Variants in GLB1 observed in about 807,000 individuals in gnomAD.
GLB1 encodes the protein beta-galactosidase.
Under a neutral mutation model 74.0 loss-of-function variants are expected in GLB1, and 56 were observed. The observed-to-expected ratio is 0.76, with a 90% CI of 0.61 to 0.94. The LOEUF (loss-of-function observed/expected upper bound fraction) is 0.94. Among genes scored for constraint, GLB1 ranks in the 40% least tolerant of loss-of-function variants. The pLI, the probability that GLB1 is intolerant of heterozygous loss-of-function variation, is 0.00. For missense variants in GLB1, 787 were observed against 845.5 expected (o/e 0.93, Z 0.86); for synonymous variants, 323 against 323.6 (o/e 1.00, Z 0.02).
At chr3:32,990,977 A>C in the GLB1 span, among the ~76,000 whole-genome samples, 1 of 151,934 alleles carries the variant, frequency 6.6e-6, no homozygotes, top group East Asian at 1.9e-4. Context: ...CTGTCTAAAA[A>C]TAATAATAAT....
At chr3:33,078,083 TAAAC>T (rs886119418) in intron 1 of GLB1, among the ~76,000 whole-genome samples, 2 of 151,840 alleles carry the variant, frequency 1.3e-5, no homozygotes, top group African/African-American at 2.4e-5. Flanking sequence ...TTAAAATAAA[TAAAC>T]AAACAAAATT....
intron 1 of GLB1, among the ~76,000 whole-genome samples, chr3:33,087,637 A>G (rs892434106): frequency 5.3e-5 from 8 of 151,500 alleles, no homozygotes; most frequent in Non-Finnish European, 7.4e-5. Context: ...ACACTCAAAG[A>G]AAAACCTAGA....
At chr3:32,964,333 T>G in the GLB1 span, among the ~76,000 whole-genome samples, 1 of 152,220 alleles carries the variant, frequency 6.6e-6, no homozygotes, top group African/African-American at 2.4e-5. Flanking sequence ...GGGCTCCTCT[T>G]CATGGAATGA....
chr3:33,008,601 G>C (rs1012001069), intron 15 of GLB1, among the ~76,000 whole-genome samples: 1 of 152,214 alleles, frequency 6.6e-6, no homozygotes, highest in Admixed American at 6.5e-5. Flanking sequence ...AAGGAGCAGA[G>C]AGAGACCAAG....
At chr3:33,095,201 ACT>A (rs1222735392) in intron 1 of GLB1, among the ~76,000 whole-genome samples, 1 of 115,106 alleles carries the variant, frequency 8.7e-6, no homozygotes, top group Non-Finnish European at 1.7e-5. Context: ...AAAGAGCGAG[ACT>A]CTGTCTCAAA....
At chr3:33,034,362 T>C in intron 10 of GLB1, 1 of 757,846 alleles carries the variant, frequency 1.3e-6, no homozygotes, top group Non-Finnish European at 2.5e-6. Flanking sequence ...CCTGGAAGCC[T>C]CATAGACCAG....
intron 1 of GLB1, chr3:33,094,189 T>C: frequency 1.9e-6 from 3 of 1,599,320 alleles, no homozygotes; most frequent in Non-Finnish European, 2.6e-6. Flanking sequence ...TGCCTGAAGA[T>C]GGCCATTTTC....
the GLB1 span, among the ~76,000 whole-genome samples, chr3:32,976,008 G>C: frequency 6.6e-6 from 1 of 152,084 alleles, no homozygotes; most frequent in Non-Finnish European, 1.5e-5. Context: ...AGAAGGCAGG[G>C]GCTTAATCTC....
intron 1 of GLB1, chr3:33,094,140 G>GT (rs1477340115): frequency 6.2e-7 from 1 of 1,613,376 alleles, no homozygotes; most frequent in African/African-American, 1.3e-5. Flanking sequence ...CACGAAGACA[G>GT]TGACAGCAGC....
intron 1 of GLB1, among the ~76,000 whole-genome samples, chr3:33,073,301 T>G (rs142902252): frequency 1.2e-4 from 18 of 152,286 alleles, no homozygotes; most frequent in African/African-American, 4.3e-4. Context: ...AAAAGAACTT[T>G]AAGGCATTTA....
chr3:33,028,170 C>G (rs1300493045), intron 10 of GLB1, among the ~76,000 whole-genome samples: 1 of 152,192 alleles, frequency 6.6e-6, no homozygotes, highest in Non-Finnish European at 1.5e-5. Flanking sequence ...TACCAAAGTG[C>G]TGGAATTACA....
chr3:33,005,687 G>T (rs1408844270), intron 15 of GLB1, among the ~76,000 whole-genome samples: 2 of 152,118 alleles, frequency 1.3e-5, no homozygotes, highest in African/African-American at 4.8e-5. Context: ...GTAGAGATGA[G>T]GTCTTATTAA....
chr3:33,073,052 C>T (rs941058990), intron 1 of GLB1, among the ~76,000 whole-genome samples: 16 of 152,184 alleles, frequency 1.1e-4, no homozygotes, highest in African/African-American at 3.9e-4. Flanking sequence ...TGCACGCACA[C>T]ACGCCATTGT....
At chr3:33,046,665 CAGT>C (rs1362361635) in intron 9 of GLB1, among the ~76,000 whole-genome samples, 1 of 152,138 alleles carries the variant, frequency 6.6e-6, no homozygotes, top group Non-Finnish European at 1.5e-5. Flanking sequence ...GAGAAAAGCT[CAGT>C]GGTGAAGACA....
intron 10 of GLB1, chr3:33,030,788 G>A (rs759233022): frequency 2.8e-5 from 28 of 985,152 alleles, no homozygotes; most frequent in Middle Eastern, 5.2e-4. Context: ...AAACATCAGC[G>A]GAACTCTTAC....
At chr3:33,074,332 G>GGAAGGAAGGAAA (rs747479344) in intron 1 of GLB1, among the ~76,000 whole-genome samples, 658 of 30,286 alleles carry the variant, frequency 0.022, 270 homozygotes, top group East Asian at 0.1. Context: ...AAAGAAGGAA[G>GGAAGGAAGGAAA]GAAGGAAGGA....
chr3:33,060,452 C>G (rs773800108), intron 5 of GLB1, among the ~76,000 whole-genome samples: 1 of 152,192 alleles, frequency 6.6e-6, no homozygotes, highest in Non-Finnish European at 1.5e-5. Flanking sequence ...GTGCTACTTA[C>G]ATGACTGTGT....
chr3:33,094,047 A>G, intron 1 of GLB1: 1 of 1,614,250 alleles, frequency 6.2e-7, no homozygotes. Flanking sequence ...GTTGACAAAC[A>G]GGGCAAGCTG....
At chr3:33,009,927 T>C (rs887039461) in intron 15 of GLB1, among the ~76,000 whole-genome samples, 1 of 152,262 alleles carries the variant, frequency 6.6e-6, no homozygotes, top group Non-Finnish European at 1.5e-5. Context: ...ATCTGGATTG[T>C]GGCATGTTAT....
Sources: gnomAD v4.1 joint callset for allele counts (sites outside exome capture counted in the v4.1 genomes callset) on GRCh38, gnomAD v4.1.1 for gene constraint, MANE v1.5 for transcripts, NCBI Gene and HGNC (gene_info 2026-07-23, HGNC 2026-07-21) for gene names.